Variants in CTNNA3 observed in about 807,000 individuals in gnomAD.
CTNNA3 encodes catenin alpha-3.
A neutral mutation model predicts 95.7 loss-of-function variants in CTNNA3; 76 were observed. The ratio of observed to expected loss-of-function variants is 0.79; its 90% CI spans 0.66 to 0.96. The LOEUF is 0.96. CTNNA3 is among the 40% of genes least tolerant of loss of function. The probability of loss-of-function intolerance (pLI) is 0.00; values close to 1 mark genes in which losing one functional copy is unlikely to be tolerated. For synonymous variants in CTNNA3, 431 were observed against 374.4 expected (o/e 1.15, Z -1.74); for missense variants, 1,191 against 1,089.8 (o/e 1.09, Z -1.31).
chr10:67,660,930 C>CA (rs71006158), intron 1 of CTNNA3, among the ~76,000 whole-genome samples: 31,994 of 104,504 alleles, frequency 0.31, 7,340 homozygotes, highest in African/African-American at 0.65. Flanking sequence ...GACTCCGTCT[C>CA]AAAAAAAAAA....
In CTNNA3 at chr10:66,874,740, G is replaced by A. The variant is rs1844550392; in HGVS notation, c.1048-99216C>T. ...TTCTTTTCTACCAAAAGAGGTATTT[G>A]ACCAAGTGAAGTACTAGACTGACAA... On this transcript the variant is annotated intron_variant, in intron 7 of 17. Transcript: ENST00000433211. Among the ~76,000 whole-genome samples, 3 of 152,092 alleles carry A rather than the reference G, an allele frequency of 2.0e-5. No individual in the cohort carries two copies. In the South Asian group the frequency reaches 6.2e-4, roughly 32 times the overall value.
intron 9 of CTNNA3, among the ~76,000 whole-genome samples, chr10:66,654,634 T>C (rs560098399): frequency 8.5e-5 from 13 of 152,184 alleles, no homozygotes; most frequent in African/African-American, 3.1e-4. Flanking sequence ...AATTAGTATG[T>C]CAAAGAGATT....
chr10:66,175,127 T>C (rs2085639370), intron 13 of CTNNA3, among the ~76,000 whole-genome samples: 1 of 152,006 alleles, frequency 6.6e-6, no homozygotes, highest in Non-Finnish European at 1.5e-5. Flanking sequence ...GCCCCAACAA[T>C]GACCCTATGT....
rs145619875 is a variant in CTNNA3 at position 66,141,792 on chromosome 10, G to T, written c.1885-38543C>A. ...TGTACTTAGAGAGTCACTGAAAACA[G>T]TAAAACAAGCAAAACACTGTCTATT... On this transcript the variant is annotated intron_variant, in intron 13 of 17. Coordinates refer to ENST00000433211, the MANE Select transcript of CTNNA3 (RefSeq NM_013266.4). 9.9e-3 allele frequency among the ~76,000 whole-genome samples: 1,514 copies of T among 152,216 alleles called. 34 individuals are homozygous for T. Among genetic ancestry groups the T allele is most frequent in the African/African-American group, 0.035 (1,435 of 41,550 alleles).
intron 17 of CTNNA3, among the ~76,000 whole-genome samples, chr10:65,921,300 C>G (rs952121928): frequency 6.6e-6 from 1 of 152,138 alleles, no homozygotes; most frequent in Non-Finnish European, 1.5e-5. Context: ...TATAGAATAC[C>G]TGGATCTTTT....
intron 5 of CTNNA3, among the ~76,000 whole-genome samples, chr10:67,381,500 C>T (rs1843945605): frequency 2.0e-5 from 3 of 152,252 alleles, no homozygotes; most frequent in East Asian, 1.9e-4. Flanking sequence ...TCCCTTCCTT[C>T]GTGCACTGTA....
At chr10:66,878,373 G>C (rs1844709252) in intron 7 of CTNNA3, among the ~76,000 whole-genome samples, 1 of 152,100 alleles carries the variant, frequency 6.6e-6, no homozygotes. Context: ...ATATGAAACA[G>C]AGCAGTGCAT....
At chr10:67,571,075 G>A (rs1006270745) in intron 3 of CTNNA3, among the ~76,000 whole-genome samples, 1 of 152,008 alleles carries the variant, frequency 6.6e-6, no homozygotes, top group African/African-American at 2.4e-5. Context: ...ATTAATATGT[G>A]GAAGATAGGT....
chr10:66,553,652 C>G (rs7895747), intron 10 of CTNNA3, among the ~76,000 whole-genome samples: 10,750 of 150,372 alleles, frequency 0.071, 713 homozygotes, highest in East Asian at 0.23. Context: ...TTCAGCCTCC[C>G]GAGTACCTGG....
At chr10:66,924,080 G>T (rs1332018091) in intron 7 of CTNNA3, among the ~76,000 whole-genome samples, 1 of 152,070 alleles carries the variant, frequency 6.6e-6, no homozygotes, top group East Asian at 1.9e-4. Context: ...TATTTCATCA[G>T]AGACTATTGA....
intron 5 of CTNNA3, among the ~76,000 whole-genome samples, chr10:67,337,890 G>A (rs1222328825): frequency 6.6e-6 from 1 of 152,170 alleles, no homozygotes; most frequent in Non-Finnish European, 1.5e-5. Context: ...CTACAGTATA[G>A]TATAAACATA....
chr10:66,932,042 G>A (rs575817836), intron 7 of CTNNA3, among the ~76,000 whole-genome samples: 1 of 152,236 alleles, frequency 6.6e-6, no homozygotes, highest in South Asian at 2.1e-4. Context: ...CTCCCCTTCC[G>A]GCTTTAGAAC....
intron 14 of CTNNA3, among the ~76,000 whole-genome samples, chr10:66,077,897 G>C (rs956102656): frequency 2.6e-5 from 4 of 151,636 alleles, no homozygotes; most frequent in Non-Finnish European, 5.9e-5. Flanking sequence ...TTGAAGGGTT[G>C]GTAAATTTGT....
At chr10:67,150,598 T>C (rs187084029) in intron 7 of CTNNA3, among the ~76,000 whole-genome samples, 2 of 152,292 alleles carry the variant, frequency 1.3e-5, no homozygotes, top group East Asian at 1.9e-4. Flanking sequence ...CCAGAAAATA[T>C]AGTCAAAAAG....
intron 11 of CTNNA3, among the ~76,000 whole-genome samples, chr10:66,388,926 G>C (rs1387591126): frequency 6.6e-6 from 1 of 152,044 alleles, no homozygotes; most frequent in Non-Finnish European, 1.5e-5. Context: ...AAATCAAAAT[G>C]TTAGGTACCT....
intron 5 of CTNNA3, among the ~76,000 whole-genome samples, chr10:67,302,042 A>G (rs189622065): frequency 1.1e-5 from 1 of 89,078 alleles, no homozygotes; most frequent in East Asian, 4.6e-4. Context: ...AAAGAAAGAA[A>G]GAAAGAAAGA....
chr10:66,686,921 AT>A (rs1847319342), intron 9 of CTNNA3, among the ~76,000 whole-genome samples: 1 of 152,152 alleles, frequency 6.6e-6, no homozygotes, highest in Admixed American at 6.5e-5. Context: ...TCACAACATA[AT>A]TAGTACCAAC....
intron 5 of CTNNA3, among the ~76,000 whole-genome samples, chr10:67,388,887 C>A (rs1844319913): frequency 6.6e-6 from 1 of 152,152 alleles, no homozygotes; most frequent in South Asian, 2.1e-4. Flanking sequence ...ACCAGGCCGG[C>A]CTTACAAGAG....
intron 13 of CTNNA3, among the ~76,000 whole-genome samples, chr10:66,132,996 C>A (rs546218180): frequency 6.6e-6 from 1 of 152,018 alleles, no homozygotes; most frequent in Admixed American, 6.6e-5. Context: ...AGCAAACCCC[C>A]GTGACACAGG....
Sources: gnomAD v4.1 joint callset for allele counts (sites outside exome capture counted in the v4.1 genomes callset) on GRCh38, gnomAD v4.1.1 for gene constraint, MANE v1.5 for transcripts, NCBI Gene and HGNC (gene_info 2026-07-23, HGNC 2026-07-21) for gene names.